PARP8: variants seen among roughly 807,000 people sequenced by gnomAD.
The protein encoded by PARP8 is protein mono-ADP-ribosyltransferase PARP8.
In PARP8, 51 loss-of-function variants were observed where a neutral mutation model predicts 124.1. The observed-to-expected ratio is 0.41, with a 90% CI of 0.33 to 0.52. The LOEUF is 0.52. PARP8 is among the 20% of genes least tolerant of loss of function. The pLI, the probability that PARP8 is intolerant of heterozygous loss-of-function variation, is 0.21. For missense variants in PARP8, 860 were observed against 1,018.9 expected, an observed-to-expected ratio of 0.84 and a Z score of 2.12; for synonymous variants, 391 against 361.5, an observed-to-expected ratio of 1.08 and a Z score of -0.93.
intron 9 of PARP8, among the ~76,000 whole-genome samples, chr5:50,779,807 A>G (rs1166824611): frequency 6.6e-6 from 1 of 152,206 alleles, no homozygotes; most frequent in Non-Finnish European, 1.5e-5. Context: ...GTTTTCACAT[A>G]GGAAACATAC....
chr5:50,696,977 A>G (rs1159909952), intron 2 of PARP8, among the ~76,000 whole-genome samples: 1 of 152,150 alleles, frequency 6.6e-6, no homozygotes, highest in Non-Finnish European at 1.5e-5. Context: ...CATTAAGAAG[A>G]ATGAGTCTGT....
rs546686584 is a variant in PARP8 at position 50,673,080 on chromosome 5, T to C, written c.146+4955T>C. On this transcript the variant is annotated intron_variant, in intron 2 of 25. Transcript: ENST00000281631. ...GGGACTTTCTCACCATACTTTTATG[T>C]TATATCACTTATTATATATTCAAAA... is the stretch of plus-strand genomic sequence containing the variant. 3.3e-5 allele frequency among the ~76,000 whole-genome samples: 5 copies of C among 152,310 alleles called. No homozygotes were observed. The East Asian group carries it at 9.6e-4, about 29-fold the overall frequency.
At chr5:50,702,569 G>A (rs766409493) in intron 2 of PARP8, among the ~76,000 whole-genome samples, 20 of 152,132 alleles carry the variant, frequency 1.3e-4, no homozygotes, top group Non-Finnish European at 2.9e-4. Context: ...CTTAGAAGAT[G>A]AGGCTCTTGC....
At chr5:50,836,178 A>G (rs1747560757) in intron 25 of PARP8, among the ~76,000 whole-genome samples, 1 of 152,122 alleles carries the variant, frequency 6.6e-6, no homozygotes, top group Admixed American at 6.6e-5. Flanking sequence ...TTTGCTGACT[A>G]TAGATTTCTT....
At chr5:50,822,505 TTG>T in intron 17 of PARP8, 105 bp downstream of exon 17, 1 of 850,340 alleles carries the variant, frequency 1.2e-6, no homozygotes, top group Non-Finnish European at 1.9e-6. Flanking sequence ...ATTTAAAAAT[TTG>T]TGCGGTATTA....
rs1014057498 is a variant in PARP8, at chr5:50,846,091, A to T, written c.*4023A>T. The T allele has an allele frequency of 2.0e-4, 31 of 151,842 alleles. No individual in the cohort carries two copies. The highest frequency in any genetic ancestry group is 4.3e-4 in the Non-Finnish European group (29 of 67,840). The allele number at this position is 151,842 out of a possible 1,614,324, so 9.4% of individuals were successfully genotyped here. On this transcript the variant is annotated 3_prime_UTR_variant, in exon 26 of 26. Coordinates refer to ENST00000281631, the MANE Select transcript of PARP8 (RefSeq NM_024615.4). ...ACATTTACCAGCAAGTCAGTAAAAA[A>T]TAGTGCTTATTTACATAGTCAATAT... is the stretch of plus-strand genomic sequence containing the variant.
intron 2 of PARP8, among the ~76,000 whole-genome samples, chr5:50,738,611 G>A (rs1757709850): frequency 6.6e-6 from 1 of 151,692 alleles, no homozygotes; most frequent in African/African-American, 2.4e-5. Flanking sequence ...ATTTGTTTTG[G>A]CTTAAACCAA....
At chr5:50,777,582 A>G (rs1452643939) in intron 7 of PARP8, among the ~76,000 whole-genome samples, 1 of 151,978 alleles carries the variant, frequency 6.6e-6, no homozygotes, top group Admixed American at 6.6e-5. Context: ...GCCCATCAAA[A>G]CACTGACATT....
At chr5:50,714,731 A>G (rs960412452) in intron 2 of PARP8, among the ~76,000 whole-genome samples, 2 of 152,126 alleles carry the variant, frequency 1.3e-5, no homozygotes, top group Admixed American at 1.3e-4. Context: ...AGAAGGAACC[A>G]GGGCTTTCCA....
intron 5 of PARP8, 75 bp from the exon 6 acceptor site, chr5:50,761,746 A>G: frequency 1.0e-6 from 1 of 956,360 alleles, no homozygotes; most frequent in Non-Finnish European, 1.6e-6. Context: ...AGACTTGCCT[A>G]TTATAGTCAC....
chr5:50,749,691 A>G (rs776881993), intron 2 of PARP8, among the ~76,000 whole-genome samples: 30 of 152,116 alleles, frequency 2.0e-4, no homozygotes, highest in Non-Finnish European at 3.4e-4. Flanking sequence ...TAATTCTTTT[A>G]GAAAAAAACC....
intron 7 of PARP8, among the ~76,000 whole-genome samples, chr5:50,766,886 A>G (rs1481672859): frequency 6.6e-6 from 1 of 152,220 alleles, no homozygotes; most frequent in East Asian, 1.9e-4. Context: ...AAGGAAAGAA[A>G]AAAAATGCAT....
intron 14 of PARP8, among the ~76,000 whole-genome samples, chr5:50,810,024 C>G (rs1744262816): frequency 6.6e-6 from 1 of 151,962 alleles, no homozygotes; most frequent in African/African-American, 2.4e-5. Flanking sequence ...TTTTGTTGAT[C>G]ACATTTAAAT....
chr5:50,821,842 A>G (rs1363659604), intron 16 of PARP8, among the ~76,000 whole-genome samples: 1 of 152,262 alleles, frequency 6.6e-6, no homozygotes, highest in African/African-American at 2.4e-5. Context: ...TTCTTCATAA[A>G]TGGCAACAGC....
rs570669438 is a variant in PARP8, at chr5:50,754,829, A to G, written c.184+4641A>G. 2.9e-3 allele frequency among the ~76,000 whole-genome samples: 438 copies of G among 152,216 alleles called. 2 individuals are homozygous for G. The highest frequency in any genetic ancestry group is 0.01 in the African/African-American group (424 of 41,526). On this transcript the variant is annotated intron_variant, in intron 3 of 25. Coordinates refer to ENST00000281631, the MANE Select transcript of PARP8 (RefSeq NM_024615.4). Reference sequence around the variant, plus strand: ...TGTAAAAGTGTTCCTATTTCTCCACATCCTCTCCAGCACCTGTTGTTTCCT... The same window carrying G: ...TGTAAAAGTGTTCCTATTTCTCCACGTCCTCTCCAGCACCTGTTGTTTCCT...
At chr5:50,772,676 T>G (rs1023600008) in intron 7 of PARP8, among the ~76,000 whole-genome samples, 2 of 152,074 alleles carry the variant, frequency 1.3e-5, no homozygotes, top group African/African-American at 4.8e-5. Flanking sequence ...TCGGGTCTTT[T>G]GCCTTTTATT....
intron 12 of PARP8, among the ~76,000 whole-genome samples, chr5:50,796,397 A>G (rs1183224508): frequency 2.0e-5 from 3 of 152,222 alleles, no homozygotes; most frequent in Admixed American, 6.5e-5. Context: ...AGCATCCTAG[A>G]AGCCCATTCC....
intron 7 of PARP8, among the ~76,000 whole-genome samples, chr5:50,776,281 T>A (rs966687265): frequency 5.9e-5 from 9 of 152,250 alleles, no homozygotes; most frequent in Non-Finnish European, 1.2e-4. Flanking sequence ...GCTATTGAAT[T>A]CAGTTTGCTA....
intron 7 of PARP8, among the ~76,000 whole-genome samples, chr5:50,769,599 T>A (rs780514422): frequency 6.6e-6 from 1 of 151,834 alleles, no homozygotes; most frequent in Non-Finnish European, 1.5e-5. Flanking sequence ...TTTATCCAGT[T>A]GCTGTTTACC....
Sources: allele counts gnomAD v4.1 joint callset (sites outside exome capture counted in the v4.1 genomes callset), GRCh38; gene constraint gnomAD v4.1.1; transcripts MANE v1.5; gene names NCBI Gene and HGNC (gene_info 2026-07-23, HGNC 2026-07-21).